ZFAT: variants seen among roughly 807,000 people sequenced by gnomAD.
ZFAT encodes zinc finger protein ZFAT.
Under a neutral mutation model 117.7 loss-of-function variants are expected in ZFAT, and 64 were observed. The ratio of observed to expected loss-of-function variants is 0.54; its 90% CI spans 0.44 to 0.67. The LOEUF is 0.67. ZFAT is among the 30% of genes least tolerant of loss of function. The probability of loss-of-function intolerance (pLI) is 0.00; values close to 1 mark genes in which losing one functional copy is unlikely to be tolerated. For missense variants in ZFAT, 1,433 were observed against 1,584.5 expected (o/e 0.90, Z 1.62); for synonymous variants, 679 against 615.0 (o/e 1.10, Z -1.54).
chr8:134,682,978 C>T (rs920616278), intron 1 of ZFAT, among the ~76,000 whole-genome samples: 5 of 152,212 alleles, frequency 3.3e-5, no homozygotes, highest in African/African-American at 9.6e-5. Context: ...GCTGCTAGCC[C>T]TTAAGGCACC....
chr8:134,550,627 T>A (rs116930994), intron 11 of ZFAT, among the ~76,000 whole-genome samples: 80 of 152,302 alleles, frequency 5.3e-4, no homozygotes, highest in Non-Finnish European at 1.1e-3. Flanking sequence ...AATGCAGTAT[T>A]TCCAGAGAAT....
At position 134,602,744 on chromosome 8, in the gene ZFAT, C is replaced by T. The variant is rs368370210; in HGVS notation, c.975G>A (p.Lys325=). The change falls in exon 6 of 16, where the codon AAG becomes AAA. Residue 325 remains lysine (K), a synonymous_variant. Transcript: ENST00000377838. ...TGAACGAGCAATAGTCGCAGGCGAA[C>T]TTCTCTCCAGTGTGCTTGCGCAGGT... ...NVHLRKHTGE[K]FACDYCSFTC... The T allele has an allele frequency of 2.5e-6, 4 of 1,613,722 alleles. No individual in the cohort carries two copies. The highest frequency in any genetic ancestry group is 3.4e-6 in the Non-Finnish European group (4 of 1,179,684).
chr8:134,799,763 G>C, the ZFAT span, among the ~76,000 whole-genome samples: 10 of 152,170 alleles, frequency 6.6e-5, no homozygotes, highest in East Asian at 1.9e-3. Flanking sequence ...AAGATTCAAA[G>C]CATTTCCATT....
At chr8:134,549,690 G>A (rs116456099) in intron 11 of ZFAT, among the ~76,000 whole-genome samples, 5 of 152,164 alleles carry the variant, frequency 3.3e-5, no homozygotes, top group Admixed American at 1.3e-4. Flanking sequence ...GGTGGTTCTC[G>A]TAAGGAAAAT....
intron 11 of ZFAT, among the ~76,000 whole-genome samples, chr8:134,540,289 G>A (rs970156339): frequency 3.3e-5 from 5 of 152,156 alleles, no homozygotes; most frequent in African/African-American, 1.2e-4. Flanking sequence ...TCTGGAACTC[G>A]ATCTCCTTCC....
chr8:134,648,185 G>A (rs1218335462), intron 2 of ZFAT, among the ~76,000 whole-genome samples: 1 of 151,424 alleles, frequency 6.6e-6, no homozygotes, highest in Non-Finnish European at 1.5e-5. Flanking sequence ...AATAAAGCTG[G>A]AGAAAGAAAG....
chr8:134,804,947 G>C, the ZFAT span: 1 of 533,136 alleles, frequency 1.9e-6, no homozygotes, highest in African/African-American at 1.9e-5. Flanking sequence ...TACAACAACA[G>C]ACTTTCTGAA....
At chr8:134,656,457 C>G (rs1436629710) in intron 2 of ZFAT, among the ~76,000 whole-genome samples, 1 of 152,158 alleles carries the variant, frequency 6.6e-6, no homozygotes, top group Non-Finnish European at 1.5e-5. Context: ...GGTGCTGCAT[C>G]TTTTTCATTT....
chr8:134,578,355 G>C (rs1192092121), intron 10 of ZFAT, among the ~76,000 whole-genome samples: 6 of 147,424 alleles, frequency 4.1e-5, no homozygotes, highest in African/African-American at 1.5e-4. Flanking sequence ...AGGTTGCAGT[G>C]AGCCGAGATG....
intron 3 of ZFAT, among the ~76,000 whole-genome samples, chr8:134,616,737 G>A (rs952228852): frequency 6.6e-6 from 1 of 152,162 alleles, no homozygotes; most frequent in Non-Finnish European, 1.5e-5. Flanking sequence ...CTACAAACCA[G>A]CTGGCCTGAG....
chr8:134,802,002 T>C, the ZFAT span, among the ~76,000 whole-genome samples: 4 of 152,168 alleles, frequency 2.6e-5, no homozygotes, highest in African/African-American at 9.7e-5. Context: ...GGCCCAGCAA[T>C]CTGTGTTTTA....
the ZFAT span, chr8:134,793,878 C>T: frequency 2.4e-4 from 36 of 152,208 alleles, no homozygotes; most frequent in African/African-American, 7.9e-4. Context: ...TGTGCTCTAC[C>T]GACATGCACA....
intron 8 of ZFAT, among the ~76,000 whole-genome samples, chr8:134,589,029 A>G (rs1826263942): frequency 1.3e-5 from 2 of 152,252 alleles, no homozygotes; most frequent in South Asian, 4.1e-4. Context: ...TGGTAGATAC[A>G]TGAAAAAGAG....
At chr8:134,797,261 C>T in the ZFAT span, 4 of 151,844 alleles carry the variant, frequency 2.6e-5, no homozygotes, top group African/African-American at 9.7e-5. Context: ...TTTCAGATAA[C>T]CTATAAAGTG....
At chr8:134,616,393 C>G (rs944756726) in intron 3 of ZFAT, among the ~76,000 whole-genome samples, 10 of 152,202 alleles carry the variant, frequency 6.6e-5, no homozygotes, top group African/African-American at 2.4e-4. Context: ...ACCAATTTCC[C>G]TATATCCTCA....
At chr8:134,714,902 G>A (rs1814190113), upstream of ZFAT, among the ~76,000 whole-genome samples, 2 of 152,092 alleles carry the variant, frequency 1.3e-5, no homozygotes, top group African/African-American at 2.4e-5. Flanking sequence ...CCACAGAGTC[G>A]CTTCACAGCC....
chr8:134,752,165 C>T, the ZFAT span, among the ~76,000 whole-genome samples: 8 of 152,308 alleles, frequency 5.3e-5, no homozygotes, highest in Admixed American at 1.3e-4. Flanking sequence ...TGCAGATCTC[C>T]TAGCTGGGAC....
chr8:134,536,679 T>C (rs755615175), intron 11 of ZFAT, among the ~76,000 whole-genome samples: 6 of 152,194 alleles, frequency 3.9e-5, no homozygotes, highest in Non-Finnish European at 7.3e-5. Context: ...ATGAAGCATA[T>C]ATTTACTGAC....
intron 15 of ZFAT, among the ~76,000 whole-genome samples, chr8:134,497,312 GA>G: frequency 6.6e-6 from 1 of 152,276 alleles, no homozygotes; most frequent in East Asian, 1.9e-4. Flanking sequence ...CAGCAGGATG[GA>G]AAGAGAACAG....
Sources: gnomAD v4.1 joint callset for allele counts (sites outside exome capture counted in the v4.1 genomes callset) on GRCh38, gnomAD v4.1.1 for gene constraint, MANE v1.5 for transcripts, NCBI Gene and HGNC (gene_info 2026-07-23, HGNC 2026-07-21) for gene names.